Variants in PCNX1 observed in about 807,000 individuals in gnomAD.
The protein encoded by PCNX1 is pecanex 1.
Under a neutral mutation model 242.2 loss-of-function variants are expected in PCNX1, and 78 were observed. That is an observed-to-expected ratio of 0.32 (90% CI 0.27 to 0.39). PCNX1 has a LOEUF of 0.39. Among genes scored for constraint, PCNX1 ranks in the 10% least tolerant of loss-of-function variants. The pLI is 1.00. For synonymous variants in PCNX1, 1,024 were observed against 1,032.9 expected (o/e 0.99, Z 0.17); for missense variants, 2,581 against 2,856.5 (o/e 0.90, Z 2.20).
intron 26 of PCNX1, among the ~76,000 whole-genome samples, chr14:71,067,053 T>C (rs2061465079): frequency 6.6e-6 from 1 of 152,110 alleles, no homozygotes; most frequent in Non-Finnish European, 1.5e-5. Context: ...TCATCAGGTA[T>C]ATTGGCCTGA....
intron 24 of PCNX1, among the ~76,000 whole-genome samples, chr14:71,054,301 G>A (rs1398644841): frequency 1.3e-5 from 2 of 152,146 alleles, no homozygotes; most frequent in Non-Finnish European, 2.9e-5. Flanking sequence ...TTAACATTTT[G>A]TGTTGGTCAT....
intron 12 of PCNX1, 35 bp from the exon 13 acceptor site, chr14:71,023,165 C>A (rs756065828): frequency 1.3e-6 from 2 of 1,563,838 alleles, no homozygotes; most frequent in African/African-American, 2.7e-5. Context: ...AGCAAGACTT[C>A]AGGAGTGTAA....
chr14:71,064,805 C>T (rs1239186796), intron 26 of PCNX1, among the ~76,000 whole-genome samples: 5 of 152,080 alleles, frequency 3.3e-5, no homozygotes, highest in Admixed American at 1.3e-4. Flanking sequence ...ATGTGATGTT[C>T]CCCTCCCTGT....
intron 1 of PCNX1, among the ~76,000 whole-genome samples, chr14:70,937,127 C>G (rs1432665397): frequency 6.6e-6 from 1 of 152,134 alleles, no homozygotes; most frequent in African/African-American, 2.4e-5. Context: ...TGCAGAAACT[C>G]TTTAGTTTAA....
intron 6 of PCNX1, among the ~76,000 whole-genome samples, chr14:70,986,116 A>G (rs947381238): frequency 3.3e-5 from 5 of 152,222 alleles, no homozygotes; most frequent in Admixed American, 3.3e-4. Flanking sequence ...TATTCCAAAT[A>G]GAGATGTTCT....
chr14:70,951,849 T>C (rs1009102043), intron 2 of PCNX1, among the ~76,000 whole-genome samples: 2 of 152,250 alleles, frequency 1.3e-5, no homozygotes, highest in African/African-American at 4.8e-5. Context: ...TATTTTCTTA[T>C]GTTTTTATTT....
intron 12 of PCNX1, among the ~76,000 whole-genome samples, chr14:71,020,893 G>A (rs1251972139): frequency 6.6e-6 from 1 of 152,094 alleles, no homozygotes; most frequent in African/African-American, 2.4e-5. Context: ...TATGGTTTTA[G>A]GTCTTACATT....
chr14:70,949,342 TAC>T (rs1329038181), intron 2 of PCNX1, among the ~76,000 whole-genome samples: 2 of 147,984 alleles, frequency 1.4e-5, no homozygotes, highest in Non-Finnish European at 3.0e-5. Flanking sequence ...CGCACGTGCA[TAC>T]ACGCACGTGC....
intron 6 of PCNX1, among the ~76,000 whole-genome samples, chr14:70,982,877 C>T (rs34731365): frequency 0.37 from 55,696 of 151,988 alleles, 10,476 homozygotes; most frequent in East Asian, 0.62. Flanking sequence ...AAATCTGTGC[C>T]TCAATTTCCT....
At chr14:71,091,844 A>G (rs1595485662) in intron 30 of PCNX1, among the ~76,000 whole-genome samples, 1 of 152,222 alleles carries the variant, frequency 6.6e-6, no homozygotes, top group South Asian at 2.1e-4. Context: ...TTCTGTTGCT[A>G]TTGCAGTGAG....
intron 28 of PCNX1, chr14:71,085,800 TAGG>T: frequency 2.7e-6 from 1 of 365,266 alleles, no homozygotes; most frequent in Admixed American, 2.9e-5. Flanking sequence ...AGCCCATCCT[TAGG>T]AGCCACACAG....
Position 71,089,305 on chromosome 14 carries a change from T to C in PCNX1, c.5552T>C (p.Val1851Ala). The part of the protein sequence containing the change: ...FADMELLRKV[V>A]VPGIRMSIKL... ...GACATGGAATTGCTAAGAAAAGTAG[T>C]AGTCCCTGGGATCCGTATGTCCATT... Residue 1851 changes from valine (V) to alanine (A), a missense_variant, in exon 30 of 36, where the codon GTA becomes GCA. Val to Ala is a moderately conservative substitution (Grantham distance 64, BLOSUM62 0). Transcript: ENST00000304743. 6.2e-7 allele frequency: 1 copy of C among 1,612,860 alleles called. No homozygotes were observed. Among genetic ancestry groups the C allele is most frequent in the Non-Finnish European group, 8.5e-7 (1 of 1,179,116 alleles).
Position 70,977,185 on chromosome 14 carries a change from T to C in PCNX1, c.848T>C (p.Val283Ala), listed in dbSNP as rs2058713277. Residue 283 changes from valine to alanine, a missense_variant, in exon 6 of 36, where the codon GTA (valine) becomes GCA (alanine). This residue lies in a region of PCNX1 where 1,204 missense variants were observed against 1,216.7 expected (regional missense o/e 0.99). Transcript: ENST00000304743. ...SYRKDHRPRG[V>A]PRTSSSAVAF... The stretch of plus-strand genomic sequence containing the variant: ...AGAAAAGACCACCGGCCGCGAGGTG[T>C]ACCACGGACTTCTAGCTCTGCTGTG... 10 of 1,614,206 alleles carry C rather than the reference T, an allele frequency of 6.2e-6. No homozygotes were observed. The highest frequency in any genetic ancestry group is 7.6e-6 in the Non-Finnish European group (9 of 1,180,036).
intron 11 of PCNX1, among the ~76,000 whole-genome samples, chr14:71,017,403 G>A (rs979214157): frequency 6.6e-5 from 10 of 152,088 alleles, no homozygotes; most frequent in Admixed American, 3.3e-4. Context: ...GGAGGCTGAG[G>A]TGAGACGATT....
chr14:71,089,486 C>CAGTT, intron 30 of PCNX1, 144 bp downstream of exon 30: 1 of 609,206 alleles, frequency 1.6e-6, no homozygotes, highest in Non-Finnish European at 2.7e-6. Flanking sequence ...AATTGACTCA[C>CAGTT]AGTTCCACAG....
intron 8 of PCNX1, among the ~76,000 whole-genome samples, chr14:71,008,357 C>T (rs1349927091): frequency 6.6e-6 from 1 of 152,000 alleles, no homozygotes; most frequent in Non-Finnish European, 1.5e-5. Flanking sequence ...CAACATTGAC[C>T]TTTAAGATTC....
Position 71,013,123 on chromosome 14 carries a change from T to C in PCNX1, c.2917T>C (p.Tyr973His), listed in dbSNP as rs1193293021. The change falls in exon 11 of 36, where the codon TAT becomes CAT. Residue 973 changes from tyrosine (Y) to histidine (H), a missense_variant. Physicochemically the swap from Tyr to His is moderately conservative, Grantham distance 83. Around this residue, in one of 9 missense-constraint regions of PCNX1, gnomAD observed 1,204 missense variants for 1,216.7 expected, o/e 0.99. Transcript: ENST00000304743. ...AGAAGCTGCCCAAAAGGTTAAACAC[T>C]ATTATCGCTTTTGGATCCTACCCCA... ...TEEAAQKVKH[Y>H]YRFWILPQLW... The C allele has an allele frequency of 3.1e-6, 5 of 1,614,004 alleles. No homozygotes were observed. Among genetic ancestry groups the C allele is most frequent in the Non-Finnish European group, 4.2e-6 (5 of 1,180,022 alleles).
At position 71,109,539 on chromosome 14, in the gene PCNX1, G is replaced by C. The variant is rs925647244; in HGVS notation, c.6832G>C (p.Ala2278Pro). 3 of 1,614,158 alleles carry C rather than the reference G, an allele frequency of 1.9e-6. No homozygotes were observed. The highest frequency in any genetic ancestry group is 2.5e-6 in the Non-Finnish European group (3 of 1,180,004). Residue 2278 changes from alanine (A) to proline (P), a missense_variant, in exon 35 of 36, where the codon GCT (alanine) becomes CCT (proline). This residue lies in a region of PCNX1 where 432 missense variants were observed against 433.6 expected (regional missense o/e 1.00). Transcript: ENST00000304743. Reference sequence around the variant, plus strand: ...GCCTGATGAAGGAATCCGGTTAAAAGCTGGGAGAAATAGCTGGAAAGACTG... The same window carrying C: ...GCCTGATGAAGGAATCCGGTTAAAACCTGGGAGAAATAGCTGGAAAGACTG... Reference protein sequence around the residue: ...QWPDEGIRLKAGRNSWKDWSP... With the variant: ...QWPDEGIRLKPGRNSWKDWSP...
chr14:71,057,944 A>G (rs995399874), intron 26 of PCNX1, among the ~76,000 whole-genome samples: 3 of 152,196 alleles, frequency 2.0e-5, no homozygotes, highest in Non-Finnish European at 4.4e-5. Flanking sequence ...AGGTAGTAGC[A>G]TTAGTGTGTA....
Sources: allele counts gnomAD v4.1 joint callset (sites outside exome capture counted in the v4.1 genomes callset), GRCh38; gene constraint gnomAD v4.1.1; regional missense constraint gnomAD v4.1.1; transcripts MANE v1.5; gene names NCBI Gene and HGNC (gene_info 2026-07-23, HGNC 2026-07-21).